COP1: variants seen among roughly 807,000 people sequenced by gnomAD.
The protein encoded by COP1 is E3 ubiquitin-protein ligase COP1.
Under a neutral mutation model 101.3 loss-of-function variants are expected in COP1, and 24 were observed. That is an observed-to-expected ratio of 0.24 (90% CI 0.17 to 0.33). The LOEUF is 0.33. Ranked by LOEUF, COP1 falls within the 10% of genes least tolerant of loss-of-function variation. The probability of loss-of-function intolerance (pLI) is 1.00; values close to 1 mark genes in which losing one functional copy is unlikely to be tolerated. For missense variants in COP1, 663 were observed against 906.2 expected (o/e 0.73, Z 3.45); for synonymous variants, 347 against 341.9 (o/e 1.01, Z -0.17).
At chr1:176,020,691 C>T (rs867170710) in intron 15 of COP1, among the ~76,000 whole-genome samples, 1 of 152,058 alleles carries the variant, frequency 6.6e-6, no homozygotes, top group Non-Finnish European at 1.5e-5. Flanking sequence ...ACAACAACAA[C>T]GAAATTATAT....
intron 15 of COP1, among the ~76,000 whole-genome samples, chr1:176,011,644 T>C (rs1664693915): frequency 6.6e-6 from 1 of 152,194 alleles, no homozygotes; most frequent in Admixed American, 6.5e-5. Context: ...ATAGTAACTG[T>C]TTTATGGCTA....
At chr1:176,011,917 G>A (rs1664740572) in intron 15 of COP1, among the ~76,000 whole-genome samples, 2 of 100,962 alleles carry the variant, frequency 2.0e-5, no homozygotes, top group South Asian at 3.3e-4. Context: ...ATTACATACT[G>A]TATACAATAT....
intron 12 of COP1, among the ~76,000 whole-genome samples, chr1:176,044,490 C>A (rs1233597649): frequency 6.6e-6 from 1 of 152,206 alleles, no homozygotes; most frequent in African/African-American, 2.4e-5. Context: ...ATGTAGGTAA[C>A]TTCTAAGACA....
At position 176,095,759 on chromosome 1, in the gene COP1, A is replaced by G. The variant is rs926584439; in HGVS notation, c.1027-9869T>C. 2.0e-5 allele frequency among the ~76,000 whole-genome samples: 3 copies of G among 152,202 alleles called. No homozygotes were observed. In the South Asian group the frequency reaches 6.2e-4, roughly 32 times the overall value. ...TACTTGTGATACAAAAGCAAAGATC[A>G]GTATAAGACTGCTGGTCTCTTAGCA... On this transcript the variant is annotated intron_variant, in intron 9 of 19. Coordinates refer to ENST00000367669, the MANE Select transcript of COP1 (RefSeq NM_022457.7).
intron 3 of COP1, among the ~76,000 whole-genome samples, chr1:176,168,462 GAGGGAGGA>G (rs1172226614): frequency 2.1e-5 from 3 of 145,808 alleles, no homozygotes; most frequent in African/African-American, 5.1e-5. Flanking sequence ...GGAAGCGAGG[GAGGGAGGA>G]AGGGAGGAAG....
chr1:175,996,869 G>A (rs899114443), intron 15 of COP1, among the ~76,000 whole-genome samples: 5 of 152,056 alleles, frequency 3.3e-5, no homozygotes, highest in Non-Finnish European at 7.4e-5. Flanking sequence ...AGCTACCAAT[G>A]ACTTTCTTCA....
At chr1:176,117,347 CA>C (rs1284496029) in intron 8 of COP1, among the ~76,000 whole-genome samples, 1 of 152,108 alleles carries the variant, frequency 6.6e-6, no homozygotes, top group East Asian at 1.9e-4. Context: ...CTGCTTTCTC[CA>C]TTGGTTCTTT....
At chr1:176,151,844 ATGAG>A (rs928690130) in intron 5 of COP1, among the ~76,000 whole-genome samples, 1 of 152,156 alleles carries the variant, frequency 6.6e-6, no homozygotes, top group African/African-American at 2.4e-5. Context: ...TTCACTATAA[ATGAG>A]TAATTTGGTC....
At chr1:175,946,598 T>A (rs1408136848) in intron 19 of COP1, among the ~76,000 whole-genome samples, 1 of 152,216 alleles carries the variant, frequency 6.6e-6, no homozygotes, top group Non-Finnish European at 1.5e-5. Context: ...ATCCAATGTA[T>A]CATGTACAAG....
At chr1:176,138,442 A>G (rs543274830) in intron 6 of COP1, among the ~76,000 whole-genome samples, 1 of 152,214 alleles carries the variant, frequency 6.6e-6, no homozygotes, top group African/African-American at 2.4e-5. Context: ...AAAAGCTTTC[A>G]ACTCATCTAT....
At chr1:176,160,181 A>C (rs887559074) in intron 5 of COP1, 3 of 296,870 alleles carry the variant, frequency 1.0e-5, no homozygotes, top group Non-Finnish European at 2.0e-5. Context: ...GCATATGAGA[A>C]GGTAGGAAGA....
chr1:176,052,350 A>G (rs188451259), intron 11 of COP1, among the ~76,000 whole-genome samples: 8 of 152,314 alleles, frequency 5.3e-5, no homozygotes, highest in African/African-American at 1.9e-4. Context: ...ATGTATTTCC[A>G]TCGTTAAGCA....
intron 3 of COP1, among the ~76,000 whole-genome samples, chr1:176,170,198 T>G (rs1363957316): frequency 6.6e-6 from 1 of 152,212 alleles, no homozygotes; most frequent in Admixed American, 6.5e-5. Flanking sequence ...ACGGCTGGAA[T>G]CAACTTCCAC....
chr1:176,102,725 G>A (rs1683628135), intron 9 of COP1, among the ~76,000 whole-genome samples: 1 of 152,164 alleles, frequency 6.6e-6, no homozygotes, highest in African/African-American at 2.4e-5. Flanking sequence ...TGCAGCTGGA[G>A]GCCACAAGAT....
At chr1:176,074,286 G>A (rs1370285576) in intron 11 of COP1, among the ~76,000 whole-genome samples, 1 of 152,114 alleles carries the variant, frequency 6.6e-6, no homozygotes, top group Non-Finnish European at 1.5e-5. Flanking sequence ...GGAATTAGAA[G>A]GCGTTGAAGT....
chr1:176,138,336 T>C (rs1372758219), intron 6 of COP1, among the ~76,000 whole-genome samples: 1 of 152,078 alleles, frequency 6.6e-6, no homozygotes, highest in Non-Finnish European at 1.5e-5. Context: ...AGAAGCAGCA[T>C]TAACAATCAA....
chr1:176,177,275 A>G (rs758607778), intron 2 of COP1, among the ~76,000 whole-genome samples: 5 of 151,726 alleles, frequency 3.3e-5, no homozygotes, highest in African/African-American at 4.8e-5. Flanking sequence ...GTGCCTCCCT[A>G]TTAAAAAAAA....
rs1402452256 is a variant in COP1, at chr1:175,944,840, A to T, written c.*313T>A. On this transcript the variant is annotated 3_prime_UTR_variant, in exon 20 of 20. Coordinates refer to ENST00000367669, the MANE Select transcript of COP1 (RefSeq NM_022457.7). Reference sequence around the variant, plus strand: ...ACTTTCCAAGCTCAACTGTGGCTCAATAAACTTTTATTGTTTTGTTATTTA... The same window carrying T: ...ACTTTCCAAGCTCAACTGTGGCTCATTAAACTTTTATTGTTTTGTTATTTA... 5.8e-6 allele frequency: 2 copies of T among 344,596 alleles called. No homozygotes were observed. The highest frequency in any genetic ancestry group is 1.1e-5 in the Non-Finnish European group (2 of 190,122). 21.3% of individuals were successfully genotyped at this position (344,596 alleles called of 1,614,324 possible).
chr1:175,988,112 A>T (rs1657552422), intron 17 of COP1, among the ~76,000 whole-genome samples, 176 bp downstream of exon 17: 1 of 152,234 alleles, frequency 6.6e-6, no homozygotes, highest in South Asian at 2.1e-4. Context: ...GGGAAGGACT[A>T]ATGCTCTTCT....
Sources: gnomAD v4.1 joint callset for allele counts (sites outside exome capture counted in the v4.1 genomes callset) on GRCh38, gnomAD v4.1.1 for gene constraint, MANE v1.5 for transcripts, NCBI Gene and HGNC (gene_info 2026-07-23, HGNC 2026-07-21) for gene names.